SPIDR: variants seen among roughly 807,000 people sequenced by gnomAD.
SPIDR encodes scaffold protein involved in DNA repair.
In SPIDR, 93 loss-of-function variants were observed where a neutral mutation model predicts 104.6. That is an observed-to-expected ratio of 0.89 (90% CI 0.75 to 1.06). The LOEUF (loss-of-function observed/expected upper bound fraction) is 1.06. Among genes scored for constraint, SPIDR ranks in the 50% least tolerant of loss-of-function variants. The probability of loss-of-function intolerance (pLI) is 0.00; values close to 1 mark genes in which losing one functional copy is unlikely to be tolerated. For synonymous variants in SPIDR, 431 were observed against 416.9 expected (o/e 1.03, Z -0.41); for missense variants, 1,154 against 1,111.2 (o/e 1.04, Z -0.55).
At chr8:47,345,011 GGT>G (rs1268848622) in intron 5 of SPIDR, among the ~76,000 whole-genome samples, 1 of 152,064 alleles carries the variant, frequency 6.6e-6, no homozygotes, top group African/African-American at 2.4e-5. Context: ...CATTGCTTTT[GGT>G]GTTTTAGACA....
At chr8:47,570,788 T>C (rs994311791) in intron 8 of SPIDR, among the ~76,000 whole-genome samples, 1 of 151,690 alleles carries the variant, frequency 6.6e-6, no homozygotes, top group Non-Finnish European at 1.5e-5. Flanking sequence ...ACAATAAGAG[T>C]AATGATTAAG....
intron 1 of SPIDR, among the ~76,000 whole-genome samples, chr8:47,271,017 T>G (rs1045718341): frequency 2.0e-5 from 3 of 152,324 alleles, no homozygotes; most frequent in African/African-American, 7.2e-5. Context: ...TAGAATAATG[T>G]GTATTCTGCT....
Position 47,482,164 on chromosome 8 carries a change from A to C in SPIDR, c.1097+41622A>C, listed in dbSNP as rs541113364. Among the ~76,000 whole-genome samples, 86 of 152,198 alleles carry C rather than the reference A, an allele frequency of 5.7e-4. 1 individual carries two copies. In the South Asian group the frequency reaches 0.015, roughly 27 times the overall value. On this transcript the variant is annotated intron_variant, in intron 8 of 19. Transcript: ENST00000297423. Reference sequence around the variant, plus strand: ...ATGAGCAGTTCCACCCTCAGTGTTTACCTCTATGCTTTGAAATCTTCTCTC... The same window carrying C: ...ATGAGCAGTTCCACCCTCAGTGTTTCCCTCTATGCTTTGAAATCTTCTCTC...
chr8:47,409,058 C>T (rs1554669382), intron 7 of SPIDR, among the ~76,000 whole-genome samples: 3 of 152,096 alleles, frequency 2.0e-5, no homozygotes, highest in East Asian at 1.9e-4. Flanking sequence ...TGGTGGTGCA[C>T]GCCTGTAGTC....
intron 10 of SPIDR, among the ~76,000 whole-genome samples, chr8:47,660,034 T>C (rs2073841606): frequency 6.6e-6 from 1 of 152,206 alleles, no homozygotes; most frequent in Non-Finnish European, 1.5e-5. Flanking sequence ...CGTGTAGCTA[T>C]GAAACTGAGC....
At chr8:47,411,976 A>G (rs1290081637) in intron 7 of SPIDR, among the ~76,000 whole-genome samples, 1 of 152,078 alleles carries the variant, frequency 6.6e-6, no homozygotes, top group Non-Finnish European at 1.5e-5. Flanking sequence ...GATATGCAGC[A>G]TTATTTCTGA....
intron 10 of SPIDR, among the ~76,000 whole-genome samples, chr8:47,648,446 T>C (rs1330414869): frequency 6.6e-6 from 1 of 152,168 alleles, no homozygotes; most frequent in Non-Finnish European, 1.5e-5. Flanking sequence ...TGATCAGAAT[T>C]AGGGTAGTAT....
At position 47,394,432 on chromosome 8, in the gene SPIDR, T is replaced by G. The variant is rs1373385533; in HGVS notation, c.526-1944T>G. ...GCCTGTGGTTGGTTATTTGTTGACT[T>G]ATTTCTAGGATAGTGGTTCTCAACT... is the stretch of plus-strand genomic sequence containing the variant. On this transcript the variant is annotated intron_variant, in intron 5 of 19. Coordinates refer to ENST00000297423, the MANE Select transcript of SPIDR (RefSeq NM_001080394.4). 2.0e-5 allele frequency among the ~76,000 whole-genome samples: 3 copies of G among 152,202 alleles called. No individual in the cohort carries two copies. In the East Asian group the frequency reaches 5.8e-4, roughly 29 times the overall value.
At chr8:47,539,050 G>A (rs1205219428) in intron 8 of SPIDR, among the ~76,000 whole-genome samples, 3 of 151,460 alleles carry the variant, frequency 2.0e-5, no homozygotes, top group Non-Finnish European at 2.9e-5. Flanking sequence ...TAGTAGAGAC[G>A]TGGTTTCACC....
intron 8 of SPIDR, among the ~76,000 whole-genome samples, chr8:47,445,691 A>G (rs1554701091): frequency 1.3e-5 from 2 of 152,226 alleles, no homozygotes; most frequent in African/African-American, 4.8e-5. Flanking sequence ...TTATGAATGA[A>G]AAGGAAAAGT....
intron 8 of SPIDR, among the ~76,000 whole-genome samples, chr8:47,593,012 G>A (rs766939252): frequency 2.9e-4 from 44 of 151,890 alleles, no homozygotes; most frequent in Admixed American, 1.4e-3. Context: ...TCAGCCTCCC[G>A]AGTAGCTGGG....
chr8:47,411,057 C>G (rs942902544), intron 7 of SPIDR, among the ~76,000 whole-genome samples: 5 of 152,160 alleles, frequency 3.3e-5, no homozygotes, highest in African/African-American at 1.2e-4. Context: ...TCCAGTCTAT[C>G]ATTATTGGAC....
intron 5 of SPIDR, chr8:47,357,979 C>A: frequency 2.3e-6 from 1 of 438,666 alleles, no homozygotes; most frequent in Non-Finnish European, 3.0e-6. Flanking sequence ...CTCTGGCAGT[C>A]TTTCCTCTCC....
chr8:47,562,906 G>A (rs1423522696), intron 8 of SPIDR, among the ~76,000 whole-genome samples: 6 of 152,204 alleles, frequency 3.9e-5, no homozygotes, highest in South Asian at 2.1e-4. Context: ...TCTCTCTTGA[G>A]AAAGTTGCTG....
chr8:47,465,604 A>T (rs1355127019), intron 8 of SPIDR, among the ~76,000 whole-genome samples: 1 of 152,074 alleles, frequency 6.6e-6, no homozygotes, highest in East Asian at 1.9e-4. Context: ...GCGTGGTGAC[A>T]TATGTCTGTA....
At chr8:47,439,539 TA>T (rs1298358858) in intron 7 of SPIDR, among the ~76,000 whole-genome samples, 1 of 152,226 alleles carries the variant, frequency 6.6e-6, no homozygotes, top group Non-Finnish European at 1.5e-5. Flanking sequence ...TTTCTACTCT[TA>T]TAAACAACGC....
At chr8:47,727,522 G>A (rs1381919589) in intron 17 of SPIDR, among the ~76,000 whole-genome samples, 1 of 152,038 alleles carries the variant, frequency 6.6e-6, no homozygotes, top group East Asian at 1.9e-4. Flanking sequence ...AGATGTGCTG[G>A]GTTTTGTCCC....
At chr8:47,342,035 G>A (rs112491175) in intron 5 of SPIDR, among the ~76,000 whole-genome samples, 2,407 of 152,112 alleles carry the variant, frequency 0.016, 50 homozygotes, top group East Asian at 0.046. Flanking sequence ...TAGCGATCTC[G>A]AAAAAGATAT....
At chr8:47,360,244 C>CAA (rs1186187617) in intron 5 of SPIDR, among the ~76,000 whole-genome samples, 1,875 of 38,806 alleles carry the variant, frequency 0.048, 347 homozygotes, top group Admixed American at 0.15. Context: ...GACTCCATCT[C>CAA]AAAAAAAAAA....
Sources: allele counts gnomAD v4.1 joint callset (sites outside exome capture counted in the v4.1 genomes callset), GRCh38; gene constraint gnomAD v4.1.1; transcripts MANE v1.5; gene names NCBI Gene and HGNC (gene_info 2026-07-23, HGNC 2026-07-21).